Variants in SLC36A2 observed in about 807,000 individuals in gnomAD.
The protein encoded by SLC36A2 is proton-coupled amino acid transporter 2.
A neutral mutation model predicts 42.7 loss-of-function variants in SLC36A2; 39 were observed. The observed-to-expected ratio is 0.91, with a 90% CI of 0.71 to 1.19. The LOEUF (loss-of-function observed/expected upper bound fraction) is 1.19, where lower values mean the gene tolerates loss of function less well. Among genes scored for constraint, SLC36A2 ranks in the 50% most tolerant of loss-of-function variants. The pLI, the probability that SLC36A2 is intolerant of heterozygous loss-of-function variation, is 0.00. For missense variants in SLC36A2, 590 were observed against 613.7 expected (o/e 0.96, Z 0.41); for synonymous variants, 237 against 240.8 (o/e 0.98, Z 0.15).
intron 4 of SLC36A2, among the ~76,000 whole-genome samples, chr5:151,341,724 C>G (rs766020810): frequency 4.6e-5 from 7 of 152,142 alleles, no homozygotes; most frequent in African/African-American, 7.2e-5. Flanking sequence ...TAAGAGACCT[C>G]TCTGTCCCTG....
chr5:151,323,788 G>A (rs899277143), intron 8 of SLC36A2, among the ~76,000 whole-genome samples: 11 of 152,170 alleles, frequency 7.2e-5, no homozygotes, highest in African/African-American at 1.9e-4. Context: ...ATCAGGAGCC[G>A]GCGAAGATAG....
At position 151,316,519 on chromosome 5, in the gene SLC36A2, T is replaced by A; in HGVS notation, c.*298A>T. The A allele has an allele frequency of 6.1e-6, 2 of 326,030 alleles. No individual in the cohort carries two copies. Among genetic ancestry groups the A allele is most frequent in the South Asian group, 6.3e-5 (2 of 31,952 alleles). 20.2% of individuals were successfully genotyped at this position (326,030 alleles called of 1,614,324 possible). On this transcript the variant is annotated 3_prime_UTR_variant, in exon 10 of 10. Transcript: ENST00000335244. ...ATTTTGGGAGGCCGGGGTGGGTGGATCACCTGAGGTCGGGAGTTCAAGACC... is the reference window on the plus strand; with the variant it reads ...ATTTTGGGAGGCCGGGGTGGGTGGAACACCTGAGGTCGGGAGTTCAAGACC...
intron 7 of SLC36A2, among the ~76,000 whole-genome samples, chr5:151,326,924 C>T (rs1409413128): frequency 2.0e-5 from 3 of 151,900 alleles, no homozygotes; most frequent in African/African-American, 7.3e-5. Context: ...AGATCCCTCC[C>T]ATCTCAGCCT....
At chr5:151,325,011 TTAG>T in intron 8 of SLC36A2, 1 of 476,808 alleles carries the variant, frequency 2.1e-6, no homozygotes, top group Non-Finnish European at 3.9e-6. Context: ...CCTTCTCTCC[TTAG>T]TAGACCAAGG....
chr5:151,328,928 C>T (rs1364065578), intron 7 of SLC36A2, among the ~76,000 whole-genome samples: 1 of 152,098 alleles, frequency 6.6e-6, no homozygotes, highest in Admixed American at 6.6e-5. Context: ...TTGCTCAACC[C>T]CAGAGGCAGA....
chr5:151,323,200 A>C (rs916656924), intron 8 of SLC36A2, among the ~76,000 whole-genome samples: 13 of 152,226 alleles, frequency 8.5e-5, no homozygotes, highest in Admixed American at 3.3e-4. Context: ...GCACCACTGC[A>C]CTCTAGCCTG....
At chr5:151,344,121 TCTTA>T (rs768375041) in intron 2 of SLC36A2, 52 bp downstream of exon 2, 3 of 1,533,122 alleles carry the variant, frequency 2.0e-6, no homozygotes, top group Non-Finnish European at 2.7e-6. Flanking sequence ...GAGCCTCTCC[TCTTA>T]CTTCCCTTCT....
At chr5:151,333,100 A>T in intron 7 of SLC36A2, 124 bp downstream of exon 7, 2 of 866,522 alleles carry the variant, frequency 2.3e-6, no homozygotes, top group Non-Finnish European at 1.9e-6. Flanking sequence ...ACTTTCTCCC[A>T]TGGGCATTTT....
intron 6 of SLC36A2, 72 bp from the exon 7 acceptor site, chr5:151,333,394 T>C: frequency 7.6e-7 from 1 of 1,309,588 alleles, no homozygotes; most frequent in Non-Finnish European, 1.1e-6. Flanking sequence ...AGAAGGGTAC[T>C]CTGAAATGAG....
At chr5:151,317,509 T>C (rs1171856429) in intron 9 of SLC36A2, among the ~76,000 whole-genome samples, 1 of 151,216 alleles carries the variant, frequency 6.6e-6, no homozygotes, top group African/African-American at 2.4e-5. Context: ...TTCTCAGAAA[T>C]TCAATTACAG....
chr5:151,325,187 T>G, intron 8 of SLC36A2, 99 bp downstream of exon 8: 1 of 1,416,178 alleles, frequency 7.1e-7, no homozygotes, highest in Non-Finnish European at 9.7e-7. Flanking sequence ...TGGGAGGCTC[T>G]CTAGACCTCA....
intron 8 of SLC36A2, among the ~76,000 whole-genome samples, chr5:151,323,065 A>G (rs777864756): frequency 2.6e-4 from 40 of 152,038 alleles, no homozygotes; most frequent in Non-Finnish European, 5.0e-4. Context: ...GCGAAACCCT[A>G]CCACTACCAA....
chr5:151,322,889 A>G (rs73281831), intron 8 of SLC36A2, among the ~76,000 whole-genome samples: 1 of 152,102 alleles, frequency 6.6e-6, no homozygotes. Context: ...ATCTATTGAG[A>G]TGTGACTGTT....
chr5:151,318,210 G>T (rs6891202), intron 9 of SLC36A2, among the ~76,000 whole-genome samples: 9,018 of 151,832 alleles, frequency 0.059, 878 homozygotes, highest in African/African-American at 0.2. Flanking sequence ...TTATGCTACC[G>T]AGGTGCATTT....
At chr5:151,338,045 T>C (rs997762619) in intron 5 of SLC36A2, among the ~76,000 whole-genome samples, 2 of 152,214 alleles carry the variant, frequency 1.3e-5, no homozygotes, top group African/African-American at 4.8e-5. Context: ...TTTTCTCGTC[T>C]GCAAAATGGG....
In SLC36A2 at chr5:151,325,286, C is replaced by T. The variant is rs540050755; in HGVS notation, c.1010G>A (p.Trp337Ter). 1.2e-6 allele frequency: 2 copies of T among 1,612,954 alleles called. No individual in the cohort carries two copies. The highest frequency in any genetic ancestry group is 1.7e-4 in the Middle Eastern group (1 of 6,058). Residue 337 changes from tryptophan (W) to a stop codon, truncating the protein, a stop_gained and splice_region_variant, in exon 8 of 10, where the codon TGG becomes TAG. Transcript: ENST00000335244. LOFTEE classifies it high-confidence loss of function. ...ASISLNLPNCWLYQSVKLLYI... is the reference protein window; with the variant it reads ...ASISLNLPNC ...ACCACCTGACAGCCCATGAAGATAC[C>T]AGCAGTTAGGCAGGTTAAGGCTTAT...
At chr5:151,344,814 AACT>A (rs1157584020) in intron 1 of SLC36A2, among the ~76,000 whole-genome samples, 14 of 152,190 alleles carry the variant, frequency 9.2e-5, no homozygotes, top group Admixed American at 8.5e-4. Context: ...AATGTCATAA[AACT>A]AGTAGTAGAG....
At chr5:151,334,555 G>A (rs1053629716) in intron 6 of SLC36A2, among the ~76,000 whole-genome samples, 1 of 152,116 alleles carries the variant, frequency 6.6e-6, no homozygotes, top group Non-Finnish European at 1.5e-5. Flanking sequence ...GCCGGGTGTG[G>A]TGGCTGGTGC....
chr5:151,338,741 A>G (rs1756231777), intron 5 of SLC36A2: 2 of 256,806 alleles, frequency 7.8e-6, no homozygotes, highest in Admixed American at 4.8e-5. Context: ...AAGAAGACCC[A>G]TATCAATTTT....
Sources: gnomAD v4.1 joint callset for allele counts (sites outside exome capture counted in the v4.1 genomes callset) on GRCh38, gnomAD v4.1.1 for gene constraint, MANE v1.5 for transcripts, NCBI Gene and HGNC (gene_info 2026-07-23, HGNC 2026-07-21) for gene names.